The following DIP2C variants were observed in gnomAD, a reference collection of about 807,000 sequenced individuals.
The protein encoded by DIP2C is disco-interacting protein 2 homolog C.
In DIP2C, 33 loss-of-function variants were observed where a neutral mutation model predicts 192.4. That is an observed-to-expected ratio of 0.17 (90% CI 0.13 to 0.23). The LOEUF is 0.23. DIP2C is among the 10% of genes least tolerant of loss of function. The pLI, the probability that DIP2C is intolerant of heterozygous loss-of-function variation, is 1.00. For missense variants in DIP2C, 1,537 were observed against 2,110.1 expected, an observed-to-expected ratio of 0.73 and a Z score of 5.32; for synonymous variants, 979 against 864.1, an observed-to-expected ratio of 1.13 and a Z score of -2.33.
chr10:580,909 CGAT>C (rs1358597938), intron 1 of DIP2C, among the ~76,000 whole-genome samples: 2 of 152,192 alleles, frequency 1.3e-5, no homozygotes, highest in Non-Finnish European at 1.5e-5. Context: ...GACTGACTCA[CGAT>C]GAAGCACTCC....
chr10:651,356 A>G lies in DIP2C; in HGVS notation c.85+38138T>C. 1.4e-6 allele frequency: 1 copy of G among 702,354 alleles called. No individual in the cohort carries two copies. Among genetic ancestry groups the G allele is most frequent in the Non-Finnish European group, 2.6e-6 (1 of 384,800 alleles). 43.5% of individuals were successfully genotyped at this position (702,354 alleles called of 1,614,324 possible). ...AACCACCTACTTTTGCATCCCCAGC[A>G]CTGTGCTCAGGTCCCAGGGAGGCCC... On this transcript the variant is annotated intron_variant, in intron 1 of 36. Coordinates refer to ENST00000280886, the MANE Select transcript of DIP2C (RefSeq NM_014974.3). The surrounding 1 kb of genome is among the most constrained non-coding windows in gnomAD (Gnocchi z 4.1).
chr10:407,450 G>A lies in DIP2C; in HGVS notation c.1149+1476C>T, dbSNP rs1481179888. Among the ~76,000 whole-genome samples the A allele has an allele frequency of 2.6e-5, 4 of 152,158 alleles. No individual in the cohort carries two copies. The East Asian group carries it at 5.8e-4, about 22-fold the overall frequency. ...TTCAATCCTTTTGGGTACACACCCCGAAGCAGAACTGCTGGATCACACAGT... is the reference window on the plus strand; with the variant it reads ...TTCAATCCTTTTGGGTACACACCCCAAAGCAGAACTGCTGGATCACACAGT... On this transcript the variant is annotated intron_variant, in intron 9 of 36. Transcript: ENST00000280886.
rs1962709089 is a variant in DIP2C, at chr10:384,619, A to G, written c.1683T>C (p.His561=). The part of the protein sequence containing the change: ...GILTSVMNMM[H]VISIPYSLMK... ...TCAGCGAGTACGGGATGCTGATCAC[A>G]TGCATCATGTTCATGACGCTCTGCA... is the stretch of plus-strand genomic sequence containing the variant. Residue 561 remains histidine, a synonymous_variant, in exon 15 of 37, where the codon CAT becomes CAC. Coordinates refer to ENST00000280886, the MANE Select transcript of DIP2C (RefSeq NM_014974.3). The G allele has an allele frequency of 6.2e-7, 1 of 1,613,992 alleles. No homozygotes were observed. Among genetic ancestry groups the G allele is most frequent in the Non-Finnish European group, 8.5e-7 (1 of 1,180,022 alleles).
At chr10:413,740 A>G (rs1477325744) in intron 8 of DIP2C, among the ~76,000 whole-genome samples, 173 bp downstream of exon 8, 1 of 150,414 alleles carries the variant, frequency 6.6e-6, no homozygotes, top group African/African-American at 2.5e-5. Flanking sequence ...GGATTTAAAC[A>G]GACACTGAGC....
intron 1 of DIP2C, among the ~76,000 whole-genome samples, chr10:585,744 GATC>G (rs1363575301): frequency 4.6e-5 from 7 of 152,124 alleles, no homozygotes; most frequent in Admixed American, 3.9e-4. Context: ...CAACCAGGAA[GATC>G]ATCATTCAAA....
chr10:621,964 G>GT (rs1297554332), intron 1 of DIP2C, among the ~76,000 whole-genome samples: 1 of 151,802 alleles, frequency 6.6e-6, no homozygotes, highest in Non-Finnish European at 1.5e-5. Context: ...ACCATAGCCT[G>GT]TTTTTTCTTT....
rs768334110 is a variant in DIP2C, at chr10:344,792, G to A, written c.3453+17C>T. 10 of 1,567,762 alleles carry A rather than the reference G, an allele frequency of 6.4e-6. No individual in the cohort carries two copies. The highest frequency in any genetic ancestry group is 2.3e-5 in the South Asian group (2 of 85,518). ...GCAGTTGCCTCCATGGCCACCGCCCGCAGCCACCCCCCTCACCTTTACGCC... is the reference window on the plus strand; with the variant it reads ...GCAGTTGCCTCCATGGCCACCGCCCACAGCCACCCCCCTCACCTTTACGCC... On this transcript the variant is annotated intron_variant, in intron 28 of 36. Coordinates refer to ENST00000280886, the MANE Select transcript of DIP2C (RefSeq NM_014974.3).
intron 35 of DIP2C, among the ~76,000 whole-genome samples, chr10:282,661 A>G (rs1954894183): frequency 6.6e-6 from 1 of 152,254 alleles, no homozygotes; most frequent in South Asian, 2.1e-4. Context: ...ATGTCATGAA[A>G]TACCCCTGGC....
chr10:624,656 G>A (rs1361880338), intron 1 of DIP2C, among the ~76,000 whole-genome samples: 2 of 152,138 alleles, frequency 1.3e-5, no homozygotes, highest in East Asian at 1.9e-4. Flanking sequence ...GGCGAGCGTC[G>A]GTCTTGCTCT....
chr10:552,913 C>T (rs1485799887), intron 1 of DIP2C, among the ~76,000 whole-genome samples: 1 of 152,242 alleles, frequency 6.6e-6, no homozygotes, highest in Non-Finnish European at 1.5e-5. Flanking sequence ...GTGGACAGAG[C>T]TTGGGAAAAG....
chr10:457,733 G>A (rs931203293), intron 3 of DIP2C, among the ~76,000 whole-genome samples: 3 of 145,858 alleles, frequency 2.1e-5, no homozygotes, highest in Admixed American at 1.3e-4. Context: ...GTCTTTCATC[G>A]TTTGTAGAGA....
chr10:486,093 C>G (rs959541927), intron 2 of DIP2C, among the ~76,000 whole-genome samples: 1 of 152,238 alleles, frequency 6.6e-6, no homozygotes, highest in Admixed American at 6.5e-5. Context: ...TTGGCCTGTG[C>G]CACCAACAGA....
At chr10:596,339 A>C (rs2131668186) in intron 1 of DIP2C, among the ~76,000 whole-genome samples, 1 of 151,814 alleles carries the variant, frequency 6.6e-6, no homozygotes, top group Middle Eastern at 3.4e-3. Flanking sequence ...GTGAAACCCC[A>C]TCTCTAACGA....
At chr10:566,317 C>G (rs1045998298) in intron 1 of DIP2C, among the ~76,000 whole-genome samples, 2 of 152,176 alleles carry the variant, frequency 1.3e-5, no homozygotes, top group South Asian at 4.1e-4. Flanking sequence ...TACTTTTTCA[C>G]GTGACCCTCG....
intron 1 of DIP2C, among the ~76,000 whole-genome samples, chr10:631,808 T>C (rs117744038): frequency 0.02 from 3,086 of 152,298 alleles, 47 homozygotes; most frequent in Non-Finnish European, 0.034. Context: ...TTTCATGATA[T>C]ACAAGCATGA....
intron 1 of DIP2C, among the ~76,000 whole-genome samples, chr10:675,132 C>A (rs564085179): frequency 1.0e-3 from 157 of 152,052 alleles, no homozygotes; most frequent in Non-Finnish European, 1.9e-3. Flanking sequence ...AAATCAACAA[C>A]AAGAACTTTC....
chr10:280,764 C>G (rs1049712187), intron 36 of DIP2C, among the ~76,000 whole-genome samples: 3 of 152,238 alleles, frequency 2.0e-5, no homozygotes, highest in Non-Finnish European at 4.4e-5. Context: ...CTTTGGAAGT[C>G]TCTTCTGGGG....
chr10:618,864 C>T (rs1214749880), intron 1 of DIP2C, among the ~76,000 whole-genome samples: 3 of 152,232 alleles, frequency 2.0e-5, no homozygotes, highest in African/African-American at 4.8e-5. Context: ...CACTGTCCCT[C>T]GCCAAGGTAT....
chr10:348,530 C>A (rs148191421), intron 26 of DIP2C, 111 bp downstream of exon 26: 2 of 1,519,044 alleles, frequency 1.3e-6, no homozygotes, highest in Non-Finnish European at 1.8e-6. Flanking sequence ...TCCAGACACA[C>A]CCCGGCTTCC....
Sources: gnomAD v4.1 joint callset for allele counts (sites outside exome capture counted in the v4.1 genomes callset) on GRCh38, gnomAD v4.1.1 for gene constraint, Gnocchi (gnomAD v3.1) non-coding constraint, MANE v1.5 for transcripts, NCBI Gene and HGNC (gene_info 2026-07-23, HGNC 2026-07-21) for gene names.